The following SARDH variants were observed in gnomAD, a reference collection of about 807,000 sequenced individuals.
SARDH encodes the protein sarcosine dehydrogenase, mitochondrial.
A neutral mutation model predicts 109.1 loss-of-function variants in SARDH; 95 were observed. The ratio of observed to expected loss-of-function variants is 0.87; its 90% CI spans 0.74 to 1.03. SARDH has a LOEUF of 1.03. Among genes scored for constraint, SARDH ranks in the 50% least tolerant of loss-of-function variants. The pLI is 0.00. For missense variants in SARDH, 1,267 were observed against 1,287.8 expected (o/e 0.98, Z 0.25); for synonymous variants, 572 against 534.8 (o/e 1.07, Z -0.96).
intron 16 of SARDH, among the ~76,000 whole-genome samples, chr9:133,687,126 C>G (rs1373572774): frequency 1.3e-5 from 2 of 152,214 alleles, no homozygotes; most frequent in Non-Finnish European, 2.9e-5. Flanking sequence ...GCCCCAGTCC[C>G]TCATCTGTGA....
chr9:133,721,682 AAATAGTATC>A (rs1409287470), intron 6 of SARDH, among the ~76,000 whole-genome samples: 2 of 152,250 alleles, frequency 1.3e-5, no homozygotes, highest in African/African-American at 4.8e-5. Context: ...CGTATTCAGA[AAATAGTATC>A]AATAGTATCA....
In SARDH at chr9:133,686,326, G is replaced by T. The variant is rs539295192; in HGVS notation, c.2070-1040C>A. Among the ~76,000 whole-genome samples, 105 of 152,020 alleles carry T rather than the reference G, an allele frequency of 6.9e-4. No homozygotes were observed. The highest frequency in any genetic ancestry group is 2.4e-3 in the African/African-American group (99 of 41,460). ...TCCTGGGCACCGTGCCCACCTCCAG[G>T]CCTAGCCCTCTTGTGCCCCTTCGCA... On this transcript the variant is annotated intron_variant, in intron 16 of 20. Transcript: ENST00000439388. This position sits in a 1 kb window ranked among gnomAD's most constrained non-coding sequence, Gnocchi z 4.0.
downstream of SARDH, among the ~76,000 whole-genome samples, chr9:133,663,297 G>C (rs1045328831): frequency 1.1e-4 from 16 of 152,374 alleles, no homozygotes; most frequent in African/African-American, 3.8e-4. Context: ...CTCTCAGGAG[G>C]CTTTGCCACC....
chr9:133,739,022 C>G (rs149741166), upstream of SARDH, among the ~76,000 whole-genome samples: 177 of 152,306 alleles, frequency 1.2e-3, 1 homozygote, highest in Middle Eastern at 0.01. Context: ...GGGAGGGGGC[C>G]ACACAGCAAG....
In SARDH at chr9:133,729,764, C is replaced by G; in HGVS notation, c.915+1G>C. ...CACAGAACCCGGGGCTGTCCACCTACCTGAATCCCCTCGATGCGCTCGGTG... is the reference window on the plus strand; with the variant it reads ...CACAGAACCCGGGGCTGTCCACCTAGCTGAATCCCCTCGATGCGCTCGGTG... On this transcript the variant is annotated splice_donor_variant, in intron 6 of 20. Transcript: ENST00000439388. LOFTEE classifies it high-confidence loss of function. The G allele has an allele frequency of 6.2e-7, 1 of 1,612,020 alleles. No individual in the cohort carries two copies. The highest frequency in any genetic ancestry group is 8.5e-7 in the Non-Finnish European group (1 of 1,179,550).
chr9:133,703,308 GA>G (rs917115541), intron 12 of SARDH: 1 of 481,288 alleles, frequency 2.1e-6, no homozygotes, highest in Non-Finnish European at 3.8e-6. Flanking sequence ...CCAAGGTGGG[GA>G]ACGACAGGGA....
intron 11 of SARDH, among the ~76,000 whole-genome samples, chr9:133,706,911 A>C (rs1449777976): frequency 2.0e-5 from 3 of 152,118 alleles, no homozygotes; most frequent in Admixed American, 2.0e-4. Flanking sequence ...CACAGCATTC[A>C]TCAATGACAT....
At chr9:133,660,975 C>T (rs191029452), downstream of SARDH, among the ~76,000 whole-genome samples, 5 of 152,036 alleles carry the variant, frequency 3.3e-5, no homozygotes, top group Middle Eastern at 3.4e-3. Flanking sequence ...GGCTGAGATG[C>T]GAGGATCACT....
Position 133,731,344 on chromosome 9 carries a change from A to T in SARDH, c.651T>A (p.Cys217Ter). Residue 217 changes from cysteine (C) to a stop codon, truncating the protein, a stop_gained, in exon 4 of 21, where the codon TGT (cysteine) becomes TGA (stop). Transcript: ENST00000439388. LOFTEE classifies it high-confidence loss of function. ...HDGTMDPAGT[C>*]TTLARAASAR... ...CAGAAGCTGCCCTGGCGAGGGTGGT[A>T]CAGGTGCCAGCGGGGTCCATGGTAC... The T allele has an allele frequency of 1.2e-6, 2 of 1,614,210 alleles. No homozygotes were observed. The highest frequency in any genetic ancestry group is 1.7e-6 in the Non-Finnish European group (2 of 1,180,038).
At chr9:133,684,362 C>T (rs547906607) in intron 17 of SARDH, among the ~76,000 whole-genome samples, 9 of 152,288 alleles carry the variant, frequency 5.9e-5, no homozygotes, top group East Asian at 1.9e-4. Flanking sequence ...CGCACTATGG[C>T]GAGGATTACA....
chr9:133,712,928 G>T lies in SARDH; in HGVS notation c.1237+110C>A. ...GGGGCTGGACTCCCCAGCCTCTCCT[G>T]TCCCCACCACTGTCGGGGGCCACGG... On this transcript the variant is annotated intron_variant, in intron 9 of 20. Transcript: ENST00000439388. The surrounding 1 kb of genome is among the most constrained non-coding windows in gnomAD (Gnocchi z 4.1). 1.7e-6 allele frequency: 2 copies of T among 1,157,410 alleles called. No homozygotes were observed. Among genetic ancestry groups the T allele is most frequent in the Non-Finnish European group, 2.5e-6 (2 of 801,906 alleles). 71.7% of individuals were successfully genotyped at this position (1,157,410 alleles called of 1,614,324 possible). A position where few individuals can be genotyped will look rare whatever the true frequency, so the allele number is the denominator to read the frequency against.
At chr9:133,660,151 A>T (rs1267561073), downstream of SARDH, among the ~76,000 whole-genome samples, 1 of 141,966 alleles carries the variant, frequency 7.0e-6, no homozygotes, top group Admixed American at 7.8e-5. Context: ...ACCCCGCTCC[A>T]GCAGTACCCG....
chr9:133,662,675 G>A (rs1456142076), downstream of SARDH, among the ~76,000 whole-genome samples: 1 of 152,242 alleles, frequency 6.6e-6, no homozygotes, highest in African/African-American at 2.4e-5. This position sits in a 1 kb window ranked among gnomAD's most constrained non-coding sequence, Gnocchi z 5.1. Flanking sequence ...AGCGTCCAGT[G>A]GCAGCTGGGG....
intron 8 of SARDH, among the ~76,000 whole-genome samples, chr9:133,714,728 C>T (rs1183980800): frequency 6.6e-6 from 1 of 152,024 alleles, no homozygotes; most frequent in African/African-American, 2.4e-5. Flanking sequence ...TGCAGGGAGC[C>T]AAAATCGCAC....
chr9:133,682,238 G>A (rs555395563), intron 17 of SARDH, among the ~76,000 whole-genome samples: 4 of 152,302 alleles, frequency 2.6e-5, no homozygotes, highest in South Asian at 2.1e-4. Context: ...AGCTGAGGGC[G>A]TTCCAAGTGG....
At position 133,734,384 on chromosome 9, in the gene SARDH, TTCATTCATTCAC is replaced by T. The variant is rs1429592982; in HGVS notation, c.-30-193_-30-182del. Among the ~76,000 whole-genome samples the T allele has an allele frequency of 4.1e-5, 6 of 147,136 alleles. No homozygotes were observed. In the East Asian group the frequency reaches 5.8e-4, roughly 14 times the overall value. On this transcript the variant is annotated intron_variant, in intron 1 of 20. Transcript: ENST00000439388. ...ATTCACTCATTCATTCATTCACTCA[TTCATTCATTCAC>T]TCATTCATTCACTCATTCATTCATT... is the stretch of plus-strand genomic sequence containing the variant.
At chr9:133,707,201 C>T (rs527515059) in intron 11 of SARDH, among the ~76,000 whole-genome samples, 5 of 152,184 alleles carry the variant, frequency 3.3e-5, no homozygotes, top group Non-Finnish European at 5.9e-5. Context: ...GGGGCAGGGG[C>T]GTGCTTCAGC....
At chr9:133,702,035 G>A (rs972973177) in intron 13 of SARDH, among the ~76,000 whole-genome samples, 36 of 152,350 alleles carry the variant, frequency 2.4e-4, no homozygotes, top group African/African-American at 7.9e-4. Context: ...GAACCCCCTC[G>A]TGGATGCCTC....
At chr9:133,714,775 T>C (rs1180247883) in intron 8 of SARDH, among the ~76,000 whole-genome samples, 1 of 151,778 alleles carries the variant, frequency 6.6e-6, no homozygotes, top group Non-Finnish European at 1.5e-5. Flanking sequence ...GCAAGACCTT[T>C]AAAAAAGGGG....
Sources: allele counts gnomAD v4.1 joint callset (sites outside exome capture counted in the v4.1 genomes callset), GRCh38; gene constraint gnomAD v4.1.1; non-coding constraint Gnocchi (gnomAD v3.1); transcripts MANE v1.5; gene names NCBI Gene and HGNC (gene_info 2026-07-23, HGNC 2026-07-21).